The following CNTN5 variants were observed in gnomAD, a reference collection of about 807,000 sequenced individuals.
CNTN5 encodes the protein contactin-5.
In CNTN5, 77 loss-of-function variants were observed where a neutral mutation model predicts 129.1. The observed-to-expected ratio is 0.60, with a 90% CI of 0.50 to 0.72. The LOEUF (loss-of-function observed/expected upper bound fraction) is 0.72. Ranked by LOEUF, CNTN5 falls within the 30% of genes least tolerant of loss-of-function variation. The pLI is 0.00. For missense variants in CNTN5, 1,478 were observed against 1,328.8 expected (o/e 1.11, Z -1.75); for synonymous variants, 509 against 465.6 (o/e 1.09, Z -1.20).
chr11:99,435,412 G>C (rs1289080589), intron 2 of CNTN5, among the ~76,000 whole-genome samples: 3 of 152,054 alleles, frequency 2.0e-5, no homozygotes, highest in Non-Finnish European at 4.4e-5. Context: ...GAATTTTTTG[G>C]CCTTGCTATC....
chr11:99,029,627 G>GA (rs1305489120), intron 1 of CNTN5, among the ~76,000 whole-genome samples: 5 of 152,210 alleles, frequency 3.3e-5, no homozygotes, highest in Middle Eastern at 3.4e-3. Flanking sequence ...AAAACAGTAG[G>GA]AAAGCTAATT....
At chr11:99,464,813 A>G (rs552031618) in intron 2 of CNTN5, among the ~76,000 whole-genome samples, 1 of 152,336 alleles carries the variant, frequency 6.6e-6, no homozygotes, top group Non-Finnish European at 1.5e-5. Flanking sequence ...ATATATTTAC[A>G]TAAAAATAGT....
chr11:100,297,525 C>T (rs1009858236), intron 18 of CNTN5, 100 bp from the exon 19 acceptor site: 2 of 826,064 alleles, frequency 2.4e-6, no homozygotes, highest in Non-Finnish European at 4.1e-6. Context: ...TTTAATATGA[C>T]CATTCTGACT....
intron 3 of CNTN5, among the ~76,000 whole-genome samples, chr11:99,701,618 A>T (rs183010592): frequency 1.6e-3 from 236 of 151,332 alleles, no homozygotes; most frequent in Non-Finnish European, 2.1e-3. Context: ...TTAAAAAATG[A>T]AGTCATAGTT....
chr11:99,500,655 G>A (rs559670163), intron 2 of CNTN5, among the ~76,000 whole-genome samples: 2 of 152,006 alleles, frequency 1.3e-5, no homozygotes, highest in South Asian at 4.1e-4. Context: ...TGGCTACATA[G>A]TATTCCATGA....
At chr11:99,765,630 C>G (rs1392646070) in intron 3 of CNTN5, among the ~76,000 whole-genome samples, 1 of 150,344 alleles carries the variant, frequency 6.7e-6, no homozygotes, top group Non-Finnish European at 1.5e-5. Context: ...ACTTTTTAGC[C>G]TTTCAGATGA....
intron 13 of CNTN5, among the ~76,000 whole-genome samples, chr11:100,094,301 C>T (rs1382607377): frequency 6.6e-6 from 1 of 152,034 alleles, no homozygotes; most frequent in African/African-American, 2.4e-5. Flanking sequence ...TTGCTCCTCC[C>T]CCTGCCTCCA....
chr11:99,382,559 T>G (rs1940634714), intron 2 of CNTN5, among the ~76,000 whole-genome samples: 1 of 152,168 alleles, frequency 6.6e-6, no homozygotes, highest in Admixed American at 6.6e-5. Flanking sequence ...CAAATACCTG[T>G]GTGTGCTTTT....
At chr11:100,282,287 T>C (rs897316276) in intron 18 of CNTN5, among the ~76,000 whole-genome samples, 8 of 152,248 alleles carry the variant, frequency 5.3e-5, no homozygotes, top group African/African-American at 1.9e-4. Flanking sequence ...TATCTAGCTG[T>C]ATCTGCTTTA....
rs1014382789 is a variant in CNTN5, at chr11:100,035,287, A to G, written c.981-25925A>G. On this transcript the variant is annotated intron_variant, in intron 9 of 24. Coordinates refer to ENST00000524871, the MANE Select transcript of CNTN5 (RefSeq NM_014361.4). ...TTCCAATTTCATCCATGTCCCTACAAAGGACATGAACTCATCATTTTTTTA... is the reference window on the plus strand; with the variant it reads ...TTCCAATTTCATCCATGTCCCTACAGAGGACATGAACTCATCATTTTTTTA... Among the ~76,000 whole-genome samples, 6 of 149,936 alleles carry G rather than the reference A, an allele frequency of 4.0e-5. No individual in the cohort carries two copies. The South Asian group carries it at 1.3e-3, about 31-fold the overall frequency.
chr11:99,055,240 G>A (rs923867019), intron 1 of CNTN5, among the ~76,000 whole-genome samples: 1 of 151,878 alleles, frequency 6.6e-6, no homozygotes, highest in African/African-American at 2.4e-5. Flanking sequence ...ACTATGAGTG[G>A]CAATGAAATT....
chr11:100,006,584 G>T (rs914476326), intron 9 of CNTN5, among the ~76,000 whole-genome samples: 7 of 152,120 alleles, frequency 4.6e-5, no homozygotes, highest in African/African-American at 1.7e-4. Context: ...TGAGATTGCA[G>T]CAATTCAGTC....
chr11:99,942,771 T>A (rs1304209332), intron 7 of CNTN5, among the ~76,000 whole-genome samples: 2 of 152,028 alleles, frequency 1.3e-5, no homozygotes, highest in Admixed American at 1.3e-4. Context: ...AGTGAGAACA[T>A]GTGGTTTTTG....
chr11:99,055,452 A>T (rs1864590786), intron 1 of CNTN5, among the ~76,000 whole-genome samples: 1 of 151,948 alleles, frequency 6.6e-6, no homozygotes, highest in Admixed American at 6.6e-5. Context: ...TATTTCCTAG[A>T]ATTTTTTTAC....
At chr11:99,121,120 G>GTTCTTTCTTTCTTTCTTTCT (rs1365908774) in intron 1 of CNTN5, among the ~76,000 whole-genome samples, 3 of 144,828 alleles carry the variant, frequency 2.1e-5, no homozygotes, top group African/African-American at 5.1e-5. Context: ...GGTTTTAACT[G>GTTCTTTCTTTCTTTCTTTCT]TTCTTTCTTT....
intron 1 of CNTN5, among the ~76,000 whole-genome samples, chr11:99,205,864 A>G (rs912839886): frequency 2.6e-5 from 4 of 152,296 alleles, no homozygotes; most frequent in Admixed American, 2.0e-4. Context: ...TTGGAGGATT[A>G]CAGGATTTCT....
At chr11:99,797,355 T>A (rs561915674) in intron 3 of CNTN5, among the ~76,000 whole-genome samples, 20 of 152,258 alleles carry the variant, frequency 1.3e-4, no homozygotes, top group Non-Finnish European at 2.4e-4. Context: ...CTGAGCAAAT[T>A]TACATACCTG....
chr11:99,171,538 C>T (rs1861150151), intron 1 of CNTN5, among the ~76,000 whole-genome samples: 1 of 152,126 alleles, frequency 6.6e-6, no homozygotes. Flanking sequence ...TTTACCTGCT[C>T]TATGTCCTGT....
At chr11:99,229,355 T>G (rs75625356) in intron 1 of CNTN5, among the ~76,000 whole-genome samples, 2,645 of 152,166 alleles carry the variant, frequency 0.017, 43 homozygotes, top group African/African-American at 0.038. Flanking sequence ...TAAGTCACTT[T>G]TCTAAGCTAT....
Sources: gnomAD v4.1 joint callset for allele counts (sites outside exome capture counted in the v4.1 genomes callset) on GRCh38, gnomAD v4.1.1 for gene constraint, MANE v1.5 for transcripts, NCBI Gene and HGNC (gene_info 2026-07-23, HGNC 2026-07-21) for gene names.